FSTL5: variants seen among roughly 807,000 people sequenced by gnomAD.
FSTL5 encodes follistatin-related protein 5.
Under a neutral mutation model 89.1 loss-of-function variants are expected in FSTL5, and 62 were observed. That is an observed-to-expected ratio of 0.70 (90% confidence interval 0.57 to 0.86). The LOEUF is 0.86. Ranked by LOEUF, FSTL5 falls within the 40% of genes least tolerant of loss-of-function variation. The probability of loss-of-function intolerance (pLI) is 0.00; values close to 1 mark genes in which losing one functional copy is unlikely to be tolerated. For missense variants in FSTL5, 1,057 were observed against 1,001.6 expected (o/e 1.06, Z -0.75); for synonymous variants, 383 against 346.2 (o/e 1.11, Z -1.18).
chr4:161,908,050 T>C (rs192061821), intron 4 of FSTL5, among the ~76,000 whole-genome samples: 1 of 151,996 alleles, frequency 6.6e-6, no homozygotes, highest in Non-Finnish European at 1.5e-5. Flanking sequence ...GGCAAATAGG[T>C]TTGTTTTGAC....
rs527627595 is a variant in FSTL5 at position 162,118,913 on chromosome 4, T to C, written c.-16-7501A>G. 4.6e-5 allele frequency among the ~76,000 whole-genome samples: 7 copies of C among 152,310 alleles called. No homozygotes were observed. In the South Asian group the frequency reaches 6.2e-4, roughly 14 times the overall value. The stretch of plus-strand genomic sequence containing the variant: ...GAAATGTCCAAGTTTAAAAAGTTAG[T>C]AGCAAGGCTGACTATAATAAAATCT... On this transcript the variant is annotated intron_variant, in intron 1 of 15. Coordinates refer to ENST00000306100, the MANE Select transcript of FSTL5 (RefSeq NM_020116.5).
chr4:161,721,011 G>T (rs1739183611), intron 6 of FSTL5, among the ~76,000 whole-genome samples: 1 of 152,064 alleles, frequency 6.6e-6, no homozygotes. Context: ...GGGCGCGGTG[G>T]CTCACGCCTG....
intron 4 of FSTL5, among the ~76,000 whole-genome samples, chr4:161,920,084 T>C (rs1733949598): frequency 6.6e-6 from 1 of 152,208 alleles, no homozygotes; most frequent in African/African-American, 2.4e-5. Flanking sequence ...TGCTTTTTAC[T>C]GGGTGAATTT....
At chr4:161,696,697 T>C (rs1738183636) in intron 6 of FSTL5, among the ~76,000 whole-genome samples, 1 of 152,198 alleles carries the variant, frequency 6.6e-6, no homozygotes, top group East Asian at 1.9e-4. Flanking sequence ...AAATACTTTA[T>C]ATTTTTTGCA....
chr4:161,874,897 T>C (rs1322888571), intron 4 of FSTL5, among the ~76,000 whole-genome samples: 2 of 152,178 alleles, frequency 1.3e-5, no homozygotes, highest in Admixed American at 6.5e-5. Context: ...CTATTACTTT[T>C]ATATTATTTT....
rs148138372 is a variant in FSTL5 at position 161,598,731 on chromosome 4, G to A, written c.895-11156C>T. ...ATAGCATGGCAAATTAGTAGAGAAA[G>A]ATTGGTCTATTAAGCATACAGGGCT... is the stretch of plus-strand genomic sequence containing the variant. On this transcript the variant is annotated intron_variant, in intron 7 of 15. Coordinates refer to ENST00000306100, the MANE Select transcript of FSTL5 (RefSeq NM_020116.5). 1.6e-4 allele frequency among the ~76,000 whole-genome samples: 24 copies of A among 152,158 alleles called. No individual in the cohort carries two copies. In the East Asian group the frequency reaches 3.9e-3, roughly 25 times the overall value.
intron 3 of FSTL5, among the ~76,000 whole-genome samples, chr4:161,938,108 A>G (rs1246663492): frequency 2.0e-5 from 3 of 152,054 alleles, no homozygotes; most frequent in African/African-American, 7.2e-5. Flanking sequence ...CCATTCATCA[A>G]TATCAATGTA....
chr4:162,010,268 T>C (rs1307658626), intron 3 of FSTL5, among the ~76,000 whole-genome samples: 2 of 152,082 alleles, frequency 1.3e-5, no homozygotes, highest in African/African-American at 4.8e-5. Context: ...TCTGAGATGA[T>C]AAAATTTTAA....
chr4:161,580,256 AT>A (rs1733386542), intron 8 of FSTL5, among the ~76,000 whole-genome samples: 1 of 152,196 alleles, frequency 6.6e-6, no homozygotes, highest in African/African-American at 2.4e-5. Flanking sequence ...AAGTTAACGA[AT>A]TTTTGTACTG....
intron 15 of FSTL5, among the ~76,000 whole-genome samples, chr4:161,406,410 C>T (rs533412672): frequency 2.0e-5 from 3 of 152,138 alleles, no homozygotes; most frequent in Admixed American, 6.5e-5. Context: ...TAAAATTTAT[C>T]GAGACTTGCT....
At chr4:161,933,861 T>C (rs112561166) in intron 3 of FSTL5, among the ~76,000 whole-genome samples, 6 of 148,460 alleles carry the variant, frequency 4.0e-5, no homozygotes, top group African/African-American at 1.5e-4. Flanking sequence ...ATTTACCACA[T>C]ATGTTTGCTT....
intron 4 of FSTL5, among the ~76,000 whole-genome samples, chr4:161,813,284 C>T (rs980132001): frequency 1.3e-5 from 2 of 152,084 alleles, no homozygotes; most frequent in Non-Finnish European, 2.9e-5. Context: ...CCGCCTTGGC[C>T]TCCCAAAGTG....
chr4:162,099,743 C>T (rs1166498526), intron 2 of FSTL5, among the ~76,000 whole-genome samples: 1 of 152,010 alleles, frequency 6.6e-6, no homozygotes, highest in Non-Finnish European at 1.5e-5. Context: ...AACTGACAAC[C>T]CAATTATAAA....
At chr4:161,521,517 A>G (rs1198844746) in intron 10 of FSTL5, among the ~76,000 whole-genome samples, 12 of 152,140 alleles carry the variant, frequency 7.9e-5, no homozygotes, top group Non-Finnish European at 1.8e-4. Flanking sequence ...GAAAAATTAA[A>G]GCATAGAAAA....
Position 161,500,109 on chromosome 4 carries a change from A to G in FSTL5, c.1365T>C (p.Tyr455=), listed in dbSNP as rs1560925328. 1.2e-6 allele frequency: 2 copies of G among 1,601,768 alleles called. No individual in the cohort carries two copies. The highest frequency in any genetic ancestry group is 1.7e-6 in the Non-Finnish European group (2 of 1,171,344). ...EEGLGIGNMF[Y]VFYEDGIKVI... is the part of the protein sequence containing the mutation. ...CTTTGATTCCATCTTCATAAAAAAC[A>G]TAGAACATGTTCCCAATTCCCAGAC... The change falls in exon 12 of 16, where the codon TAT becomes TAC. Residue 455 remains tyrosine (Y), a synonymous_variant. Transcript: ENST00000306100.
At position 161,795,054 on chromosome 4, in the gene FSTL5, G is replaced by A. The variant is rs201137259; in HGVS notation, c.410-18980C>T. Reference sequence around the variant, plus strand: ...TTTAGTGCTTATCTGAGTGCCAGGCGCCTATTTTCTTATTAAATATTTATT... The same window carrying A: ...TTTAGTGCTTATCTGAGTGCCAGGCACCTATTTTCTTATTAAATATTTATT... On this transcript the variant is annotated intron_variant, in intron 4 of 15. Transcript: ENST00000306100. Among the ~76,000 whole-genome samples, 11 of 151,542 alleles carry A rather than the reference G, an allele frequency of 7.3e-5. No individual in the cohort carries two copies. The East Asian group carries it at 9.7e-4, about 13-fold the overall frequency.
intron 15 of FSTL5, among the ~76,000 whole-genome samples, chr4:161,404,380 A>G (rs576910876): frequency 3.3e-5 from 5 of 152,226 alleles, no homozygotes; most frequent in African/African-American, 4.8e-5. Flanking sequence ...TCCCAGATAA[A>G]CGAGGCAGGA....
At chr4:161,853,418 C>T (rs1731622276) in intron 4 of FSTL5, among the ~76,000 whole-genome samples, 3 of 152,088 alleles carry the variant, frequency 2.0e-5, no homozygotes, top group Non-Finnish European at 1.5e-5. Context: ...CAGGCACCTG[C>T]CACTACACCC....
At chr4:161,511,421 T>C (rs1340491757) in intron 10 of FSTL5, among the ~76,000 whole-genome samples, 1 of 152,156 alleles carries the variant, frequency 6.6e-6, no homozygotes, top group African/African-American at 2.4e-5. Context: ...TTTTAATTCC[T>C]TAATGACATT....
Sources: allele counts gnomAD v4.1 joint callset (sites outside exome capture counted in the v4.1 genomes callset), GRCh38; gene constraint gnomAD v4.1.1; transcripts MANE v1.5; gene names NCBI Gene and HGNC (gene_info 2026-07-23, HGNC 2026-07-21).